GRIP1: variants seen among roughly 807,000 people sequenced by gnomAD.
GRIP1 encodes glutamate receptor-interacting protein 1.
A neutral mutation model predicts 129.9 loss-of-function variants in GRIP1; 45 were observed. The ratio of observed to expected loss-of-function variants is 0.35; its 90% CI spans 0.27 to 0.44. GRIP1 has a LOEUF of 0.44. GRIP1 is among the 20% of genes least tolerant of loss of function. The pLI is 1.00. For synonymous variants in GRIP1, 530 were observed against 520.8 expected (o/e 1.02, Z -0.24); for missense variants, 1,196 against 1,396.8 (o/e 0.86, Z 2.29).
intron 1 of GRIP1, among the ~76,000 whole-genome samples, chr12:66,911,259 T>C (rs1183358211): frequency 6.6e-6 from 1 of 152,192 alleles, no homozygotes; most frequent in Admixed American, 6.5e-5. Context: ...TGGGGGGAAA[T>C]TCTACAAAAT....
intron 2 of GRIP1, among the ~76,000 whole-genome samples, chr12:66,595,243 T>C (rs11176304): frequency 0.074 from 11,231 of 152,200 alleles, 494 homozygotes; most frequent in East Asian, 0.12. Context: ...ACAAAATTCA[T>C]GATGAAAAAT....
chr12:66,584,039 A>C (rs1033173525), intron 2 of GRIP1, among the ~76,000 whole-genome samples: 4 of 147,514 alleles, frequency 2.7e-5, no homozygotes, highest in Admixed American at 2.1e-4. Flanking sequence ...CTGGATTAAG[A>C]AAATGTGGCA....
intron 11 of GRIP1, among the ~76,000 whole-genome samples, chr12:66,452,358 T>C (rs10878425): frequency 0.83 from 125,947 of 152,206 alleles, 52,751 homozygotes; most frequent in Middle Eastern, 0.96. Context: ...TTGTGACACT[T>C]GTCAAAGCCT....
At chr12:66,832,049 G>T (rs1165563185) in intron 1 of GRIP1, among the ~76,000 whole-genome samples, 1 of 152,060 alleles carries the variant, frequency 6.6e-6, no homozygotes, top group Non-Finnish European at 1.5e-5. Context: ...TTCTGCAAAA[G>T]ATCAAGACAA....
intron 7 of GRIP1, among the ~76,000 whole-genome samples, chr12:66,497,464 C>T (rs1004657905): frequency 3.9e-5 from 6 of 152,082 alleles, no homozygotes; most frequent in East Asian, 3.9e-4. Context: ...GACATGAACC[C>T]GGCATTGGGG....
At chr12:66,408,410 T>G (rs1400811597) in intron 15 of GRIP1, among the ~76,000 whole-genome samples, 1 of 151,984 alleles carries the variant, frequency 6.6e-6, no homozygotes, top group African/African-American at 2.4e-5. Flanking sequence ...ACCTGGGAGG[T>G]GCAGGTTGCA....
intron 2 of GRIP1, among the ~76,000 whole-genome samples, chr12:66,575,323 G>C (rs969598884): frequency 1.3e-5 from 2 of 152,102 alleles, no homozygotes; most frequent in African/African-American, 4.8e-5. Flanking sequence ...ATTATTAAAG[G>C]ATATATTCCC....
intron 1 of GRIP1, among the ~76,000 whole-genome samples, chr12:66,656,147 A>G (rs889384421): frequency 3.3e-5 from 5 of 152,214 alleles, no homozygotes; most frequent in Non-Finnish European, 2.9e-5. Context: ...TGAAAGCCAC[A>G]TGGTGCCAGT....
intron 1 of GRIP1, among the ~76,000 whole-genome samples, chr12:66,902,088 T>C (rs2040852935): frequency 6.6e-6 from 1 of 152,152 alleles, no homozygotes; most frequent in African/African-American, 2.4e-5. Flanking sequence ...TTAATATTTT[T>C]CACATGCAAA....
chr12:66,406,359 C>G lies in GRIP1; in HGVS notation c.1908G>C (p.Met636Ile). ...IDNIRLDNCS[M>I]EDAVQILQQC... is the part of the protein sequence containing the mutation. ...GCTGGAGGATCTGAACTGCATCTTC[C>G]ATGGAACAGTTGTCCAGCCGGATAT... Residue 636 changes from methionine to isoleucine, a missense_variant, in exon 16 of 25, where the codon ATG becomes ATC. Around this residue, in one of 5 missense-constraint regions of GRIP1, gnomAD observed 508 missense variants for 587.0 expected, o/e 0.87. Coordinates refer to ENST00000359742, the MANE Select transcript of GRIP1 (RefSeq NM_001366722.1). The G allele has an allele frequency of 6.2e-7, 1 of 1,613,928 alleles. No homozygotes were observed. The highest frequency in any genetic ancestry group is 8.5e-7 in the Non-Finnish European group (1 of 1,179,818).
At position 66,374,215 on chromosome 12, in the gene GRIP1, G is replaced by C. The variant is rs757598597; in HGVS notation, c.2779-2288C>G. On this transcript the variant is annotated intron_variant, in intron 22 of 24. Coordinates refer to ENST00000359742, the MANE Select transcript of GRIP1 (RefSeq NM_001366722.1). ...TTTATTTTATTTTTTTTGAAATGGA[G>C]TTTCACTCTGTTGCCAGGCTGAAGT... 4.1e-4 allele frequency among the ~76,000 whole-genome samples: 62 copies of C among 151,906 alleles called. 1 individual carries two copies. The highest frequency in any genetic ancestry group is 3.1e-3 in the Admixed American group (47 of 15,242).
intron 1 of GRIP1, among the ~76,000 whole-genome samples, chr12:66,729,742 T>A (rs1336609938): frequency 6.6e-6 from 1 of 151,986 alleles, no homozygotes; most frequent in Non-Finnish European, 1.5e-5. Flanking sequence ...CCCAGCTAAT[T>A]TTTTGTATTT....
At chr12:66,558,799 A>AAAG (rs34480314) in intron 2 of GRIP1, among the ~76,000 whole-genome samples, 62,227 of 151,634 alleles carry the variant, frequency 0.41, 12,922 homozygotes, top group African/African-American at 0.46. Flanking sequence ...TCCAAAAAAT[A>AAAG]AAGGAGAGAA....
intron 1 of GRIP1, among the ~76,000 whole-genome samples, chr12:66,863,091 T>C (rs886228785): frequency 6.6e-6 from 1 of 152,050 alleles, no homozygotes; most frequent in African/African-American, 2.4e-5. Context: ...AAAATATGGC[T>C]TTGCCCACTT....
intron 23 of GRIP1, 36 bp downstream of exon 23, chr12:66,371,658 A>C: frequency 7.0e-7 from 1 of 1,434,404 alleles, no homozygotes; most frequent in Non-Finnish European, 9.8e-7. Flanking sequence ...TGGCTGCCAA[A>C]TTTGACCCTA....
intron 1 of GRIP1, among the ~76,000 whole-genome samples, chr12:66,736,005 G>C (rs780876128): frequency 6.6e-6 from 1 of 152,122 alleles, no homozygotes; most frequent in Non-Finnish European, 1.5e-5. Context: ...AGGAGAAGAA[G>C]AGAAGGTGAA....
intron 1 of GRIP1, among the ~76,000 whole-genome samples, chr12:66,812,288 C>T (rs1411422991): frequency 2.6e-5 from 4 of 152,138 alleles, no homozygotes; most frequent in African/African-American, 9.7e-5. Flanking sequence ...CACCCACCAC[C>T]ATGCTTGGCT....
rs2055815264 is a variant in GRIP1, at chr12:66,377,001, C to T, written c.2778+16G>A. ...GCAGCTTCACAAGCAAAAATATAAA[C>T]ATAAAGGGTAGCTACCAAGAGAGTC... On this transcript the variant is annotated intron_variant, in intron 22 of 24. Transcript: ENST00000359742. 6.3e-7 allele frequency: 1 copy of T among 1,593,924 alleles called. No homozygotes were observed. Among genetic ancestry groups the T allele is most frequent in the Middle Eastern group, 1.7e-4 (1 of 6,028 alleles).
intron 19 of GRIP1, among the ~76,000 whole-genome samples, chr12:66,387,915 G>A (rs763592202): frequency 2.0e-5 from 3 of 152,058 alleles, no homozygotes; most frequent in Non-Finnish European, 4.4e-5. Context: ...TGCACATGTT[G>A]GTGTCCTTTC....
Sources: gnomAD v4.1 joint callset for allele counts (sites outside exome capture counted in the v4.1 genomes callset) on GRCh38, gnomAD v4.1.1 for gene constraint, gnomAD v4.1.1 regional missense constraint, MANE v1.5 for transcripts, NCBI Gene and HGNC (gene_info 2026-07-23, HGNC 2026-07-21) for gene names.